TANC2: variants seen among roughly 807,000 people sequenced by gnomAD.
TANC2 encodes the protein protein TANC2.
Under a neutral mutation model 210.5 loss-of-function variants are expected in TANC2, and 26 were observed. The observed-to-expected ratio is 0.12, with a 90% CI of 0.09 to 0.17. The LOEUF is 0.17. Ranked by LOEUF, TANC2 falls within the 10% of genes least tolerant of loss-of-function variation. The probability of loss-of-function intolerance (pLI) is 1.00; values close to 1 mark genes in which losing one functional copy is unlikely to be tolerated. For synonymous variants in TANC2, 931 were observed against 967.1 expected (o/e 0.96, Z 0.69); for missense variants, 2,129 against 2,608.9 (o/e 0.82, Z 4.01).
intron 2 of TANC2, among the ~76,000 whole-genome samples, chr17:63,068,765 T>G (rs1256063188): frequency 6.6e-6 from 1 of 150,878 alleles, no homozygotes; most frequent in African/African-American, 2.4e-5. Flanking sequence ...ATGTTTTTAT[T>G]CTAGAGTTAA....
intron 14 of TANC2, among the ~76,000 whole-genome samples, chr17:63,374,228 G>A (rs1034036442): frequency 2.0e-5 from 3 of 151,944 alleles, no homozygotes; most frequent in African/African-American, 7.2e-5. Flanking sequence ...TGTAGAGACA[G>A]GATCCTGCTT....
intron 2 of TANC2, among the ~76,000 whole-genome samples, chr17:63,024,645 A>C (rs1166908154): frequency 1.3e-5 from 2 of 152,184 alleles, no homozygotes; most frequent in African/African-American, 2.4e-5. Flanking sequence ...TGGAGTATAC[A>C]CACATTTGCG....
intron 21 of TANC2, among the ~76,000 whole-genome samples, chr17:63,408,051 G>C (rs529996699): frequency 1.3e-5 from 2 of 152,320 alleles, no homozygotes; most frequent in South Asian, 4.1e-4. Flanking sequence ...TGATGGCAGA[G>C]TTATGCTTTA....
intron 14 of TANC2, among the ~76,000 whole-genome samples, chr17:63,360,169 A>G (rs866618655): frequency 3.9e-5 from 6 of 152,336 alleles, no homozygotes; most frequent in Middle Eastern, 3.4e-3. Context: ...GGTGAGTTGA[A>G]GTTTGTGTTG....
intron 7 of TANC2, among the ~76,000 whole-genome samples, chr17:63,235,258 G>C (rs2146035148): frequency 1.3e-5 from 2 of 152,194 alleles, no homozygotes; most frequent in South Asian, 2.1e-4. Flanking sequence ...CAAAATGTAG[G>C]AATATAATTT....
At chr17:63,186,646 G>T (rs1246162070) in intron 5 of TANC2, among the ~76,000 whole-genome samples, 1 of 151,980 alleles carries the variant, frequency 6.6e-6, no homozygotes, top group Admixed American at 6.6e-5. Flanking sequence ...GTGAGCCACC[G>T]CACCCGGGCT....
intron 4 of TANC2, among the ~76,000 whole-genome samples, chr17:63,147,690 A>G (rs2039509915): frequency 6.6e-6 from 1 of 152,198 alleles, no homozygotes; most frequent in African/African-American, 2.4e-5. Context: ...TTGTGAACCC[A>G]TGGTCTAAAG....
intron 18 of TANC2, among the ~76,000 whole-genome samples, chr17:63,398,590 G>C (rs887344491): frequency 6.6e-6 from 1 of 152,106 alleles, no homozygotes; most frequent in Non-Finnish European, 1.5e-5. Context: ...AAAATCACAT[G>C]CTATATAAGT....
intron 11 of TANC2, among the ~76,000 whole-genome samples, chr17:63,327,922 C>T (rs1176403229): frequency 6.6e-6 from 1 of 152,080 alleles, no homozygotes; most frequent in Non-Finnish European, 1.5e-5. Context: ...TATCCCTCCC[C>T]ACTCCCCCCA....
At position 63,421,455 on chromosome 17, in the gene TANC2, C is replaced by T; in HGVS notation, c.5725C>T (p.Pro1909Ser). 1.9e-6 allele frequency: 3 copies of T among 1,614,030 alleles called. No individual in the cohort carries two copies. Among genetic ancestry groups the T allele is most frequent in the Middle Eastern group, 1.6e-4 (1 of 6,062 alleles). Reference sequence around the variant, plus strand: ...TGAGAGGTCATGTGACGAGCTGTCGCCAGTGTCTCCAACTCAAGGAGGTTA... The same window carrying T: ...TGAGAGGTCATGTGACGAGCTGTCGTCAGTGTCTCCAACTCAAGGAGGTTA... Residue 1909 changes from proline (P) to serine (S), a missense_variant, in exon 28 of 28, where the codon CCA becomes TCA. Pro to Ser is a moderately conservative substitution (Grantham distance 74). Transcript: ENST00000689528. The surrounding 1 kb of genome is among the most constrained non-coding windows in gnomAD (Gnocchi z 6.9).
chr17:63,245,023 G>A (rs570503411), intron 8 of TANC2, among the ~76,000 whole-genome samples: 8 of 152,092 alleles, frequency 5.3e-5, no homozygotes, highest in Non-Finnish European at 8.8e-5. Context: ...TCTAGGGTAC[G>A]TCTTTATTAG....
chr17:63,004,774 C>A, intron 1 of TANC2: 1 of 342,464 alleles, frequency 2.9e-6, no homozygotes, highest in Non-Finnish European at 5.7e-6. Context: ...CCATTTTCTG[C>A]AGGGTTATTC....
rs189972645 is a variant in TANC2 at position 63,234,667 on chromosome 17, C to A, written c.770-3147C>A. 3.3e-5 allele frequency among the ~76,000 whole-genome samples: 5 copies of A among 151,906 alleles called. No homozygotes were observed. In the East Asian group the frequency reaches 5.8e-4, roughly 18 times the overall value. On this transcript the variant is annotated intron_variant, in intron 7 of 27. Coordinates refer to ENST00000689528, the Ensembl canonical transcript of TANC2. ...TTTTTTTAATTTAAATATGAAAAAA[C>A]CCTTAAAATATAGTTTCTACTCTCC...
At chr17:62,992,710 A>G (rs1436902668) in intron 1 of TANC2, among the ~76,000 whole-genome samples, 1 of 152,210 alleles carries the variant, frequency 6.6e-6, no homozygotes, top group Non-Finnish European at 1.5e-5. Flanking sequence ...ATGCTTTTAT[A>G]GACACTTGAG....
At chr17:63,406,277 G>T in exon 21 of TANC2, 1 of 1,613,572 alleles carries the variant, frequency 6.2e-7, no homozygotes, top group Non-Finnish European at 8.5e-7. Flanking sequence ...GCTTGCACAA[G>T]GTTAGTCTTG....
At chr17:62,975,332 A>G (rs2031939996) in intron 1 of TANC2, among the ~76,000 whole-genome samples, 1 of 152,108 alleles carries the variant, frequency 6.6e-6, no homozygotes, top group Admixed American at 6.5e-5. Context: ...TAGAAACTTG[A>G]TACATATTTA....
At chr17:63,360,987 A>G (rs2046942085) in intron 14 of TANC2, among the ~76,000 whole-genome samples, 1 of 152,082 alleles carries the variant, frequency 6.6e-6, no homozygotes, top group African/African-American at 2.4e-5. Context: ...ATTCTTTTTT[A>G]TGGCTGAATA....
chr17:63,333,569 A>G (rs966430141), intron 11 of TANC2, among the ~76,000 whole-genome samples: 5 of 152,248 alleles, frequency 3.3e-5, no homozygotes, highest in Non-Finnish European at 7.3e-5. Flanking sequence ...CATTGTAAAA[A>G]TAACAATAAG....
intron 11 of TANC2, among the ~76,000 whole-genome samples, chr17:63,327,466 A>C (rs895924797): frequency 4.6e-5 from 7 of 152,266 alleles, no homozygotes; most frequent in Non-Finnish European, 8.8e-5. Flanking sequence ...ATATGGAACC[A>C]AGCTGAATGG....
Sources: allele counts gnomAD v4.1 joint callset (sites outside exome capture counted in the v4.1 genomes callset), GRCh38; gene constraint gnomAD v4.1.1; non-coding constraint Gnocchi (gnomAD v3.1); transcripts MANE v1.5; gene names NCBI Gene and HGNC (gene_info 2026-07-23, HGNC 2026-07-21).